GKAP1: variants seen among roughly 807,000 people sequenced by gnomAD.
The protein encoded by GKAP1 is G kinase anchoring protein 1, also known as G kinase-anchoring protein 1.
Under a neutral mutation model 56.7 loss-of-function variants are expected in GKAP1, and 31 were observed. The ratio of observed to expected loss-of-function variants is 0.55; its 90% CI spans 0.41 to 0.74. The LOEUF (loss-of-function observed/expected upper bound fraction) is 0.74. GKAP1 is among the 30% of genes least tolerant of loss of function. GKAP1 has a pLI of 0.00. For missense variants in GKAP1, 364 were observed against 402.3 expected, an observed-to-expected ratio of 0.90 and a Z score of 0.82; for synonymous variants, 151 against 138.6, an observed-to-expected ratio of 1.09 and a Z score of -0.63.
rs187966787 is a variant in GKAP1, at chr9:83,806,889, G to A, written c.-43-329C>T. 2.1e-4 allele frequency among the ~76,000 whole-genome samples: 32 copies of A among 152,136 alleles called. No individual in the cohort carries two copies. The Middle Eastern group carries it at 0.014, about 65-fold the overall frequency. Reference sequence around the variant, plus strand: ...ACATCCTAAATCAATATGGTTTACAGTGGAAAAGAATATCATTTTTTCATG... The same window carrying A: ...ACATCCTAAATCAATATGGTTTACAATGGAAAAGAATATCATTTTTTCATG... On this transcript the variant is annotated intron_variant, in intron 2 of 12. Coordinates refer to ENST00000376371, the MANE Select transcript of GKAP1 (RefSeq NM_025211.4).
intron 11 of GKAP1, 29 bp downstream of exon 11, chr9:83,742,501 C>T (rs369929623): frequency 8.1e-6 from 12 of 1,476,928 alleles, no homozygotes; most frequent in Non-Finnish European, 8.4e-6. Context: ...CTTAAGAAAA[C>T]CAGTCATGTA....
intron 3 of GKAP1, among the ~76,000 whole-genome samples, chr9:83,805,416 T>C (rs1415176213): frequency 6.6e-6 from 1 of 150,722 alleles, no homozygotes; most frequent in Non-Finnish European, 1.5e-5. Flanking sequence ...TATTGTCCTA[T>C]GACCCTGCCA....
At position 83,739,750 on chromosome 9, in the gene GKAP1, A is replaced by G; in HGVS notation, c.1054-6T>C. The G allele has an allele frequency of 1.1e-6, 1 of 943,442 alleles. No homozygotes were observed. 58.4% of individuals were successfully genotyped at this position (943,442 alleles called of 1,614,324 possible). On this transcript the variant is annotated splice_polypyrimidine_tract_variant and splice_region_variant and intron_variant, in intron 12 of 12. Transcript: ENST00000376371. ...CTTTTCCCTTTTCTGCCACCCTGTA[A>G]AAAAAAAAAAAAATAGGGAAAATTA...
intron 8 of GKAP1, among the ~76,000 whole-genome samples, chr9:83,766,398 G>A (rs997456332): frequency 1.3e-5 from 1 of 77,552 alleles, no homozygotes; most frequent in African/African-American, 3.5e-5. Context: ...GGAAAGACAG[G>A]AAAACAATTA....
At chr9:83,740,390 TTTC>T (rs1943187417) in intron 12 of GKAP1, among the ~76,000 whole-genome samples, 2 of 151,608 alleles carry the variant, frequency 1.3e-5, no homozygotes, top group African/African-American at 4.9e-5. Flanking sequence ...AACATAACAT[TTTC>T]TGTTTTATTC....
intron 4 of GKAP1, chr9:83,792,960 A>G: frequency 8.0e-7 from 1 of 1,251,908 alleles, no homozygotes; most frequent in South Asian, 1.3e-5. Context: ...CATGTGTCCA[A>G]GATGGAGTAC....
chr9:83,766,269 T>G (rs1235169868), intron 8 of GKAP1, among the ~76,000 whole-genome samples: 3 of 152,170 alleles, frequency 2.0e-5, no homozygotes, highest in African/African-American at 7.2e-5. Context: ...CCCAGCCAAG[T>G]GGAACTGTGA....
At chr9:83,810,553 C>T (rs1944493664) in intron 2 of GKAP1, among the ~76,000 whole-genome samples, 1 of 152,114 alleles carries the variant, frequency 6.6e-6, no homozygotes, top group Non-Finnish European at 1.5e-5. Context: ...AATCTCTTTC[C>T]AGTTTTGGGA....
chr9:83,759,187 G>A (rs189794699), intron 8 of GKAP1, among the ~76,000 whole-genome samples: 118 of 152,018 alleles, frequency 7.8e-4, no homozygotes, highest in Non-Finnish European at 1.4e-3. Flanking sequence ...AGATTTTGTC[G>A]TTCTTTTCCT....
chr9:83,807,679 A>G (rs1484911887), intron 2 of GKAP1, among the ~76,000 whole-genome samples: 2 of 152,156 alleles, frequency 1.3e-5, no homozygotes, highest in South Asian at 2.1e-4. Context: ...TTATAGTTCT[A>G]TTCTATGCCT....
intron 4 of GKAP1, among the ~76,000 whole-genome samples, chr9:83,797,929 T>C (rs1379898334): frequency 6.6e-6 from 1 of 152,102 alleles, no homozygotes; most frequent in Non-Finnish European, 1.5e-5. Context: ...TAAACAAGAA[T>C]CGGTCATAAT....
intron 5 of GKAP1, among the ~76,000 whole-genome samples, chr9:83,788,003 C>G (rs1944092429): frequency 6.6e-6 from 1 of 152,226 alleles, no homozygotes; most frequent in Non-Finnish European, 1.5e-5. Flanking sequence ...ATCGGCAGGG[C>G]ACAGTGGCTC....
intron 10 of GKAP1, among the ~76,000 whole-genome samples, chr9:83,743,150 G>A (rs1943236149): frequency 6.6e-6 from 1 of 152,116 alleles, no homozygotes; most frequent in Non-Finnish European, 1.5e-5. Context: ...GCGACAGAGA[G>A]AGACTCTGTC....
chr9:83,749,447 G>C (rs1943350021), intron 9 of GKAP1, among the ~76,000 whole-genome samples: 1 of 151,998 alleles, frequency 6.6e-6, no homozygotes, highest in Admixed American at 6.6e-5. Flanking sequence ...GGCTGGTCTT[G>C]AACTCTTGAC....
Position 83,756,339 on chromosome 9 carries a change from C to T in GKAP1, c.739-2980G>A, listed in dbSNP as rs139419228. Among the ~76,000 whole-genome samples, 635 of 151,708 alleles carry T rather than the reference C, an allele frequency of 4.2e-3. 3 individuals are homozygous for T. The highest frequency in any genetic ancestry group is 7.2e-3 in the Non-Finnish European group (488 of 67,914). On this transcript the variant is annotated intron_variant, in intron 8 of 12. Transcript: ENST00000376371. Reference sequence around the variant, plus strand: ...TACAAAAATTAGCTGGGTGTGGTGGCACATGCCTTCAATCCCAGATACTGG... The same window carrying T: ...TACAAAAATTAGCTGGGTGTGGTGGTACATGCCTTCAATCCCAGATACTGG...
intron 3 of GKAP1, among the ~76,000 whole-genome samples, chr9:83,804,190 C>T (rs1944386654): frequency 6.7e-6 from 1 of 150,364 alleles, no homozygotes; most frequent in African/African-American, 2.4e-5. Flanking sequence ...GCCCAGCCGC[C>T]CCTACTGGGA....
At chr9:83,767,259 C>CTTGGGTAACACTGG (rs1296939863) in intron 8 of GKAP1, among the ~76,000 whole-genome samples, 2 of 152,086 alleles carry the variant, frequency 1.3e-5, no homozygotes. Context: ...GATAATATAT[C>CTTGGGTAACACTGG]TTGGGTAACA....
intron 9 of GKAP1, among the ~76,000 whole-genome samples, chr9:83,751,038 T>C (rs1370396525): frequency 1.3e-5 from 2 of 152,186 alleles, no homozygotes; most frequent in Non-Finnish European, 2.9e-5. Flanking sequence ...GGTTTCACCA[T>C]GTTAGCCAGG....
At chr9:83,779,448 T>TATATACACACACAC (rs1554742273) in intron 7 of GKAP1, among the ~76,000 whole-genome samples, 2 of 119,598 alleles carry the variant, frequency 1.7e-5, no homozygotes, top group African/African-American at 6.2e-5. Context: ...TATATATATA[T>TATATACACACACAC]ACACACACAC....
Sources: allele counts gnomAD v4.1 joint callset (sites outside exome capture counted in the v4.1 genomes callset), GRCh38; gene constraint gnomAD v4.1.1; transcripts MANE v1.5; gene names NCBI Gene and HGNC (gene_info 2026-07-23, HGNC 2026-07-21).